Variants in RAB6A observed in about 807,000 individuals in gnomAD.
RAB6A encodes the protein RAB6A, member RAS oncogene family, also known as ras-related protein Rab-6A.
RAB6A carries 8 observed loss-of-function variants against 32.3 expected under a neutral mutation model. That is an observed-to-expected ratio of 0.25 (90% CI 0.15 to 0.45). The LOEUF is 0.45. Among genes scored for constraint, RAB6A ranks in the 20% least tolerant of loss-of-function variants. The pLI is 1.00. For missense variants in RAB6A, 104 were observed against 249.4 expected (o/e 0.42, Z 3.93); for synonymous variants, 73 against 82.1 (o/e 0.89, Z 0.60).
At chr11:73,724,278 G>C (rs573568904) in intron 2 of RAB6A, among the ~76,000 whole-genome samples, 1 of 152,252 alleles carries the variant, frequency 6.6e-6, no homozygotes, top group East Asian at 1.9e-4. Flanking sequence ...GAATATATTA[G>C]TTCGAACATC....
At chr11:73,709,904 CATATATACAT>C (rs1300731073) in intron 5 of RAB6A, among the ~76,000 whole-genome samples, 18 of 142,806 alleles carry the variant, frequency 1.3e-4, no homozygotes, top group African/African-American at 4.5e-4. Context: ...TATACACACA[CATATATACAT>C]ATATATACAC....
At chr11:73,692,472 C>T (rs547662385) in intron 6 of RAB6A, among the ~76,000 whole-genome samples, 2 of 128,748 alleles carry the variant, frequency 1.6e-5, no homozygotes, top group East Asian at 4.8e-4. Context: ...CACTGCACTC[C>T]GGCCTGAGCG....
intron 6 of RAB6A, among the ~76,000 whole-genome samples, chr11:73,691,095 G>A (rs1180526794): frequency 6.6e-6 from 1 of 152,140 alleles, no homozygotes; most frequent in East Asian, 1.9e-4. Flanking sequence ...CACACAGAAA[G>A]GGGATGGCAG....
At chr11:73,753,383 G>A (rs1216091593) in intron 1 of RAB6A, among the ~76,000 whole-genome samples, 1 of 151,798 alleles carries the variant, frequency 6.6e-6, no homozygotes, top group Non-Finnish European at 1.5e-5. Context: ...TTTTAGTAGA[G>A]ACAGGGTTTC....
chr11:73,693,863 CAA>C (rs535750100), intron 6 of RAB6A, among the ~76,000 whole-genome samples: 1 of 137,804 alleles, frequency 7.3e-6, no homozygotes, highest in Non-Finnish European at 1.6e-5. Flanking sequence ...GAGACTGTTT[CAA>C]AAAAAAAAAA....
chr11:73,741,994 A>T (rs928265732), intron 1 of RAB6A, among the ~76,000 whole-genome samples: 1 of 152,194 alleles, frequency 6.6e-6, no homozygotes, highest in Admixed American at 6.5e-5. Flanking sequence ...AAGAAAAAAT[A>T]AAATAGGCTG....
At chr11:73,716,611 T>C (rs1362789825) in intron 4 of RAB6A, among the ~76,000 whole-genome samples, 1 of 152,040 alleles carries the variant, frequency 6.6e-6, no homozygotes, top group Admixed American at 6.6e-5. Flanking sequence ...CATGATCAAA[T>C]GAGTACAATG....
Position 73,676,482 on chromosome 11 carries a change from TA to T in RAB6A, c.*1415del, listed in dbSNP as rs71469460. ...GAAACATCTGAAGATTGAAAGTTGTTAAAAAAAAAAAAGGCAAAGAAATAAA... is the reference window on the plus strand; with the variant it reads ...GAAACATCTGAAGATTGAAAGTTGTTAAAAAAAAAAAGGCAAAGAAATAAA... On this transcript the variant is annotated 3_prime_UTR_variant, in exon 8 of 8. Transcript: ENST00000336083. 796 of 148,760 alleles carry T rather than the reference TA, an allele frequency of 5.4e-3. No homozygotes were observed. Among genetic ancestry groups the T allele is most frequent in the East Asian group, 1.6e-3 (8 of 4,914 alleles). The allele number at this position is 148,760 out of a possible 1,614,324, so 9.2% of individuals were successfully genotyped here. A position where few individuals can be genotyped will look rare whatever the true frequency, so the allele number is the denominator to read the frequency against.
chr11:73,718,561 G>A, intron 4 of RAB6A, 52 bp downstream of exon 4: 1 of 1,445,412 alleles, frequency 6.9e-7, no homozygotes. Context: ...CATGCATGCA[G>A]CTAAGCTAAA....
intron 1 of RAB6A, chr11:73,760,198 C>G: frequency 9.9e-7 from 1 of 1,005,392 alleles, no homozygotes; most frequent in Non-Finnish European, 1.4e-6. Flanking sequence ...GGGAAAAGAG[C>G]AAGGAATAAG....
chr11:73,747,736 T>C (rs1179068638), intron 1 of RAB6A, among the ~76,000 whole-genome samples: 1 of 152,200 alleles, frequency 6.6e-6, no homozygotes, highest in Non-Finnish European at 1.5e-5. Flanking sequence ...CTTGTTTTCA[T>C]GACATGGACA....
chr11:73,716,669 T>A (rs1291795229), intron 4 of RAB6A, among the ~76,000 whole-genome samples: 1 of 152,182 alleles, frequency 6.6e-6, no homozygotes, highest in African/African-American at 2.4e-5. Flanking sequence ...TAAGGACAGC[T>A]ATGGCAGATA....
chr11:73,727,097 T>C (rs1358508086), intron 2 of RAB6A, among the ~76,000 whole-genome samples: 2 of 152,088 alleles, frequency 1.3e-5, no homozygotes, highest in African/African-American at 4.8e-5. Context: ...AAACAATCAA[T>C]GTTGTTCTCA....
At chr11:73,701,206 T>C (rs561847272) in intron 6 of RAB6A, among the ~76,000 whole-genome samples, 4 of 152,318 alleles carry the variant, frequency 2.6e-5, no homozygotes, top group African/African-American at 9.6e-5. Context: ...ATATATACCT[T>C]ATATACAGAA....
intron 6 of RAB6A, among the ~76,000 whole-genome samples, chr11:73,684,931 G>A (rs1314639277): frequency 1.3e-5 from 2 of 152,210 alleles, no homozygotes; most frequent in Non-Finnish European, 2.9e-5. Flanking sequence ...GTGGGTAAAG[G>A]AAGCCACTAA....
At chr11:73,713,072 C>T (rs1285086786) in intron 5 of RAB6A, among the ~76,000 whole-genome samples, 2 of 152,106 alleles carry the variant, frequency 1.3e-5, no homozygotes, top group Non-Finnish European at 2.9e-5. Context: ...TATCTTATAA[C>T]TTCAGAGGTG....
At chr11:73,757,100 T>TACATAC (rs1211278255) in intron 1 of RAB6A, among the ~76,000 whole-genome samples, 5 of 28,580 alleles carry the variant, frequency 1.7e-4, no homozygotes, top group Middle Eastern at 0.019. Context: ...TATACATACA[T>TACATAC]ATATATATAT....
intron 1 of RAB6A, among the ~76,000 whole-genome samples, chr11:73,742,366 G>T (rs1403663727): frequency 2.0e-5 from 3 of 152,150 alleles, no homozygotes; most frequent in Non-Finnish European, 4.4e-5. Context: ...TCAAACTCCT[G>T]GATTCAAGTG....
chr11:73,760,195 G>C (rs1463877600), intron 1 of RAB6A: 6 of 1,030,804 alleles, frequency 5.8e-6, no homozygotes, highest in African/African-American at 1.6e-5. Context: ...ACTGGGAAAA[G>C]AGCAAGGAAT....
Sources: allele counts gnomAD v4.1 joint callset (sites outside exome capture counted in the v4.1 genomes callset), GRCh38; gene constraint gnomAD v4.1.1; transcripts MANE v1.5; gene names NCBI Gene and HGNC (gene_info 2026-07-23, HGNC 2026-07-21).